Variants in MBNL2 observed in about 807,000 individuals in gnomAD.
MBNL2 encodes muscleblind like splicing regulator 2, also known as muscleblind-like protein 2.
MBNL2 carries 17 observed loss-of-function variants against 41.9 expected under a neutral mutation model. That is an observed-to-expected ratio of 0.41 (90% CI 0.28 to 0.61). The LOEUF is 0.61. MBNL2 is among the 20% of genes least tolerant of loss of function. MBNL2 has a pLI of 0.35. For missense variants in MBNL2, 336 were observed against 505.6 expected (o/e 0.66, Z 3.22); for synonymous variants, 195 against 182.9 (o/e 1.07, Z -0.53).
chr13:97,236,059 A>T lies in MBNL2; in HGVS notation c.-605+13528A>T, dbSNP rs117673627. ...GGCGATTGTGTTTGCTTCCTTGCTC[A>T]AAATGGCATGTCGCTGGAAGCCTTC... On this transcript the variant is annotated intron_variant, in intron 1 of 8. Transcript: ENST00000679496. Among the ~76,000 whole-genome samples, 1,034 of 152,270 alleles carry T rather than the reference A, an allele frequency of 6.8e-3. 4 individuals carry two copies. Among genetic ancestry groups the T allele is most frequent in the Non-Finnish European group, 0.01 (712 of 68,014 alleles).
intron 7 of MBNL2, chr13:97,357,846 A>G: frequency 1.6e-6 from 1 of 611,410 alleles, no homozygotes; most frequent in East Asian, 2.9e-5. Flanking sequence ...TGATAGATTG[A>G]AGAGACAGAT....
chr13:97,226,012 C>G (rs1211511754), intron 1 of MBNL2, among the ~76,000 whole-genome samples: 1 of 151,984 alleles, frequency 6.6e-6, no homozygotes, highest in Non-Finnish European at 1.5e-5. Flanking sequence ...CAGTTTTATA[C>G]TCTTCTCAGT....
At chr13:97,197,216 GT>G in the MBNL2 span, among the ~76,000 whole-genome samples, 1 of 152,050 alleles carries the variant, frequency 6.6e-6, no homozygotes, top group Non-Finnish European at 1.5e-5. Flanking sequence ...TTGATATTGT[GT>G]TTCTATTTTT....
the MBNL2 span, among the ~76,000 whole-genome samples, chr13:97,160,702 G>A: frequency 6.6e-6 from 1 of 152,112 alleles, no homozygotes; most frequent in Non-Finnish European, 1.5e-5. Flanking sequence ...TCATTCTTAA[G>A]AATAAACTCC....
At chr13:97,216,050 A>G in the MBNL2 span, among the ~76,000 whole-genome samples, 1 of 152,204 alleles carries the variant, frequency 6.6e-6, no homozygotes, top group African/African-American at 2.4e-5. Flanking sequence ...TTAACCCAGA[A>G]AATGTTAGTC....
chr13:97,332,820 C>T, intron 2 of MBNL2, among the ~76,000 whole-genome samples: 1 of 152,310 alleles, frequency 6.6e-6, no homozygotes, highest in African/African-American at 2.4e-5. Flanking sequence ...CAAACAAGGA[C>T]CTATTCCCTT....
rs1249539096 is a variant in MBNL2 at position 97,222,525 on chromosome 13, A to G, written c.-611A>G. The G allele has an allele frequency of 7.5e-6, 3 of 398,494 alleles. No individual in the cohort carries two copies. The highest frequency in any genetic ancestry group is 2.1e-5 in the African/African-American group (1 of 48,644). 24.7% of individuals were successfully genotyped at this position (398,494 alleles called of 1,614,324 possible). Reference sequence around the variant, plus strand: ...GTAAATGGGAAGGACAGGCAGAGCTAAACAAGGTAGGAGAATCGCCCCCCT... The same window carrying G: ...GTAAATGGGAAGGACAGGCAGAGCTGAACAAGGTAGGAGAATCGCCCCCCT... On this transcript the variant is annotated 5_prime_UTR_variant, in exon 1 of 9. The change abolishes the stop of an existing upstream ORF in the 5' untranslated region. Transcript: ENST00000679496.
intron 1 of MBNL2, among the ~76,000 whole-genome samples, chr13:97,264,888 A>G (rs2049421349): frequency 6.6e-6 from 1 of 152,226 alleles, no homozygotes; most frequent in Non-Finnish European, 1.5e-5. Context: ...CAGATCGATC[A>G]TTGTTCTGTC....
chr13:97,226,617 TG>T, intron 1 of MBNL2, among the ~76,000 whole-genome samples: 1 of 152,160 alleles, frequency 6.6e-6, no homozygotes, highest in East Asian at 1.9e-4. Context: ...TTTTAGTGAT[TG>T]GGGGAGAACA....
chr13:97,175,640 G>A, the MBNL2 span, among the ~76,000 whole-genome samples: 3 of 152,144 alleles, frequency 2.0e-5, no homozygotes, highest in East Asian at 5.8e-4. Flanking sequence ...AAGCTAAGTG[G>A]AGAACAATGC....
the MBNL2 span, among the ~76,000 whole-genome samples, chr13:97,153,595 GAAAT>G: frequency 6.6e-6 from 1 of 152,084 alleles, no homozygotes; most frequent in Admixed American, 6.6e-5. Flanking sequence ...TATACAGTAA[GAAAT>G]AAAAAGACCA....
chr13:97,335,208 T>C (rs2060776155), intron 3 of MBNL2, among the ~76,000 whole-genome samples: 1 of 152,242 alleles, frequency 6.6e-6, no homozygotes, highest in Non-Finnish European at 1.5e-5. Flanking sequence ...TTAGGAATGA[T>C]ATCCTTGGGG....
At chr13:97,265,963 C>T (rs116821859) in intron 1 of MBNL2, among the ~76,000 whole-genome samples, 2,062 of 152,048 alleles carry the variant, frequency 0.014, 47 homozygotes, top group African/African-American at 0.042. Flanking sequence ...TAAATTAGGC[C>T]GGGCACGGTG....
chr13:97,354,372 A>G (rs1028747977), intron 5 of MBNL2, among the ~76,000 whole-genome samples: 3 of 152,224 alleles, frequency 2.0e-5, no homozygotes, highest in Admixed American at 6.5e-5. Context: ...ATTCATCCAC[A>G]TGGATTTTTA....
At chr13:97,143,904 C>T in the MBNL2 span, among the ~76,000 whole-genome samples, 2 of 151,976 alleles carry the variant, frequency 1.3e-5, no homozygotes, top group African/African-American at 4.8e-5. Context: ...AGTGCAGTGG[C>T]ATGATCTCCT....
At chr13:97,195,124 G>C in the MBNL2 span, among the ~76,000 whole-genome samples, 1 of 152,076 alleles carries the variant, frequency 6.6e-6, no homozygotes, top group Non-Finnish European at 1.5e-5. Context: ...GTCTGGATTG[G>C]GACCCCTTTC....
intron 8 of MBNL2, among the ~76,000 whole-genome samples, chr13:97,369,051 T>TG (rs1307640964): frequency 5.3e-5 from 8 of 152,132 alleles, no homozygotes; most frequent in Non-Finnish European, 2.9e-5. Flanking sequence ...TGCTTGCAGA[T>TG]AAAAACCATG....
In MBNL2 at chr13:97,327,161, G is replaced by A. The variant is rs536901929; in HGVS notation, c.175-7115G>A. Among the ~76,000 whole-genome samples, 72 of 152,262 alleles carry A rather than the reference G, an allele frequency of 4.7e-4. No homozygotes were observed. In the South Asian group the frequency reaches 0.013, roughly 27 times the overall value. On this transcript the variant is annotated intron_variant, in intron 2 of 8. Transcript: ENST00000679496. ...GACGAAAACAGAGGTCTGTTTGATC[G>A]AAATTTTCACTTCCAAGCTGTGTAC... is the stretch of plus-strand genomic sequence containing the variant.
intron 1 of MBNL2, among the ~76,000 whole-genome samples, chr13:97,236,037 G>T (rs569388134): frequency 6.6e-6 from 1 of 152,284 alleles, no homozygotes; most frequent in Non-Finnish European, 1.5e-5. Flanking sequence ...GGAGAAGGGC[G>T]ATTGTGTTTG....
Sources: allele counts gnomAD v4.1 joint callset (sites outside exome capture counted in the v4.1 genomes callset), GRCh38; gene constraint gnomAD v4.1.1; transcripts MANE v1.5; gene names NCBI Gene and HGNC (gene_info 2026-07-23, HGNC 2026-07-21).